The following MSH4 variants were observed in gnomAD, a reference collection of about 807,000 sequenced individuals.
MSH4 encodes the protein mutS homolog 4, also known as mutS protein homolog 4.
A neutral mutation model predicts 113.7 loss-of-function variants in MSH4; 106 were observed. The ratio of observed to expected loss-of-function variants is 0.93; its 90% CI spans 0.80 to 1.10. MSH4 has a LOEUF of 1.10. Among genes scored for constraint, MSH4 ranks in the 50% least tolerant of loss-of-function variants. The pLI is 0.00. For missense variants in MSH4, 1,061 were observed against 1,093.7 expected, an observed-to-expected ratio of 0.97 and a Z score of 0.42; for synonymous variants, 368 against 380.2, an observed-to-expected ratio of 0.97 and a Z score of 0.37.
intron 9 of MSH4, among the ~76,000 whole-genome samples, chr1:75,875,740 G>T (rs1317251792): frequency 6.6e-6 from 1 of 152,054 alleles, no homozygotes; most frequent in Non-Finnish European, 1.5e-5. Flanking sequence ...AGGTACTCTG[G>T]GGGTGCTACC....
chr1:75,880,642 TACC>T lies in MSH4; in HGVS notation c.1781+494_1781+496del, dbSNP rs1651911394. Among the ~76,000 whole-genome samples, 3 of 152,260 alleles carry T rather than the reference TACC, an allele frequency of 2.0e-5. No individual in the cohort carries two copies. The South Asian group carries it at 6.2e-4, about 31-fold the overall frequency. On this transcript the variant is annotated intron_variant, in intron 13 of 19. Coordinates refer to ENST00000263187, the MANE Select transcript of MSH4 (RefSeq NM_002440.4). Reference sequence around the variant, plus strand: ...GCTTTCAAGACAATTTCAAGGCATGTACCACCAACATTTTAATATATAGTAAGT... The same window carrying T: ...GCTTTCAAGACAATTTCAAGGCATGTACCAACATTTTAATATATAGTAAGT...
intron 6 of MSH4, among the ~76,000 whole-genome samples, chr1:75,820,858 T>C (rs1419173706): frequency 6.6e-6 from 1 of 151,708 alleles, no homozygotes; most frequent in East Asian, 1.9e-4. Flanking sequence ...GAGCTAACTA[T>C]CCTAAATATA....
chr1:75,912,056 G>C (rs1652799383), intron 19 of MSH4, among the ~76,000 whole-genome samples: 1 of 152,050 alleles, frequency 6.6e-6, no homozygotes, highest in Admixed American at 6.6e-5. Flanking sequence ...GTATCCCGAA[G>C]TTTAGTTTAT....
chr1:75,796,906 C>G lies in MSH4; in HGVS notation c.-80C>G. ...CGCGCAGTTCTCCCGCCCGTTTCAG[C>G]GGCGCAGCTTCTGTAGTTGGGCTAC... is the stretch of plus-strand genomic sequence containing the variant. On this transcript the variant is annotated 5_prime_UTR_variant, in exon 1 of 20. Coordinates refer to ENST00000263187, the MANE Select transcript of MSH4 (RefSeq NM_002440.4). 6.3e-7 allele frequency: 1 copy of G among 1,579,380 alleles called. No homozygotes were observed. The highest frequency in any genetic ancestry group is 2.2e-5 in the East Asian group (1 of 44,534).
At chr1:75,864,917 G>T (rs1651529891) in intron 8 of MSH4, among the ~76,000 whole-genome samples, 1 of 152,148 alleles carries the variant, frequency 6.6e-6, no homozygotes, top group Non-Finnish European at 1.5e-5. Context: ...CTGGCCATAA[G>T]AGAGGCTGGA....
chr1:75,879,171 T>C (rs5745451), intron 12 of MSH4, 43 bp downstream of exon 12: 247,133 of 1,561,270 alleles, frequency 0.16, 22,860 homozygotes, highest in Admixed American at 0.34. Flanking sequence ...TCTGATTTTA[T>C]AGAATTACAT....
At chr1:75,819,492 T>C (rs1174944567) in intron 6 of MSH4, among the ~76,000 whole-genome samples, 1 of 152,088 alleles carries the variant, frequency 6.6e-6, no homozygotes, top group East Asian at 1.9e-4. Context: ...TCTGTCTAAA[T>C]AAATAAATAA....
At chr1:75,891,711 C>T (rs1652258183) in intron 17 of MSH4, among the ~76,000 whole-genome samples, 1 of 152,136 alleles carries the variant, frequency 6.6e-6, no homozygotes, top group Admixed American at 6.5e-5. Flanking sequence ...ACTTCAGCCT[C>T]CCAAAGTGCT....
At chr1:75,862,474 A>C (rs1651479566) in intron 8 of MSH4, among the ~76,000 whole-genome samples, 1 of 152,222 alleles carries the variant, frequency 6.6e-6, no homozygotes, top group Non-Finnish European at 1.5e-5. Flanking sequence ...TGGGAGAATC[A>C]GTCAGAATTG....
intron 9 of MSH4, among the ~76,000 whole-genome samples, chr1:75,876,061 T>C (rs1378644056): frequency 1.3e-5 from 2 of 152,242 alleles, no homozygotes; most frequent in Non-Finnish European, 2.9e-5. Flanking sequence ...ATGAATTTCA[T>C]GTTTAGACTC....
intron 1 of MSH4, among the ~76,000 whole-genome samples, chr1:75,800,441 A>C (rs6656501): frequency 0.28 from 42,068 of 151,974 alleles, 6,099 homozygotes; most frequent in Middle Eastern, 0.37. Flanking sequence ...TTTCAGAAAG[A>C]TTATTGGTGA....
chr1:75,901,927 A>G (rs575466573), intron 19 of MSH4, among the ~76,000 whole-genome samples: 3 of 152,218 alleles, frequency 2.0e-5, no homozygotes, highest in Admixed American at 6.5e-5. Flanking sequence ...ACATTTTTTC[A>G]TATACCTGTT....
intron 3 of MSH4, among the ~76,000 whole-genome samples, chr1:75,808,029 A>T (rs952237572): frequency 6.6e-6 from 1 of 152,234 alleles, no homozygotes; most frequent in Non-Finnish European, 1.5e-5. Context: ...GTGCATATAC[A>T]TTAAAATGTT....
chr1:75,803,854 C>T lies in MSH4; in HGVS notation c.368C>T (p.Ser123Phe). Reference sequence around the variant, plus strand: ...CCTCAAACACTTAAAACTCCATTGTCTACTGGAAATCCTCAGAGATCAGGT... The same window carrying T: ...CCTCAAACACTTAAAACTCCATTGTTTACTGGAAATCCTCAGAGATCAGGT... ...NYPQTLKTPL[S>F]TGNPQRSGYK... Residue 123 changes from serine (S) to phenylalanine (F), a missense_variant, in exon 2 of 20, where the codon TCT becomes TTT. Ser to Phe is a radical substitution (Grantham distance 155). Transcript: ENST00000263187. 6.3e-7 allele frequency: 1 copy of T among 1,598,334 alleles called. No homozygotes were observed.
chr1:75,826,244 A>G (rs957713952), intron 7 of MSH4, among the ~76,000 whole-genome samples: 5 of 151,728 alleles, frequency 3.3e-5, no homozygotes, highest in African/African-American at 4.9e-5. Context: ...TTTCTAGTTT[A>G]TTTGTGTAGA....
At chr1:75,803,997 T>A in intron 2 of MSH4, 84 bp downstream of exon 2, 1 of 981,710 alleles carries the variant, frequency 1.0e-6, no homozygotes, top group Non-Finnish European at 1.4e-6. Flanking sequence ...TTAAGTTCAT[T>A]TGAATTTATC....
chr1:75,848,428 CT>C (rs1322487636), intron 8 of MSH4, 152 bp downstream of exon 8: 17 of 641,730 alleles, frequency 2.6e-5, no homozygotes, highest in Non-Finnish European at 4.6e-5. Flanking sequence ...GTAGAGGAAA[CT>C]TTTTTCCTAA....
chr1:75,902,140 G>A (rs1038825159), intron 19 of MSH4, among the ~76,000 whole-genome samples: 1 of 151,796 alleles, frequency 6.6e-6, no homozygotes, highest in Non-Finnish European at 1.5e-5. Context: ...GTTCTTAAAG[G>A]CCCCTTTTCA....
chr1:75,811,975 C>T (rs1013242224), intron 4 of MSH4, among the ~76,000 whole-genome samples: 3 of 152,140 alleles, frequency 2.0e-5, no homozygotes, highest in Non-Finnish European at 4.4e-5. Context: ...CTCTATTAGA[C>T]GAATCACTTT....
Sources: allele counts gnomAD v4.1 joint callset (sites outside exome capture counted in the v4.1 genomes callset), GRCh38; gene constraint gnomAD v4.1.1; transcripts MANE v1.5; gene names NCBI Gene and HGNC (gene_info 2026-07-23, HGNC 2026-07-21).